The following CNN3 variants were observed in gnomAD, a reference collection of about 807,000 sequenced individuals.
CNN3 encodes the protein calponin 3.
CNN3 carries 11 observed loss-of-function variants against 39.0 expected under a neutral mutation model. The ratio of observed to expected loss-of-function variants is 0.28; its 90% CI spans 0.18 to 0.47. CNN3 has a LOEUF of 0.47. CNN3 is among the 20% of genes least tolerant of loss of function. CNN3 has a pLI of 0.99. For synonymous variants in CNN3, 101 were observed against 138.3 expected (o/e 0.73, Z 1.89); for missense variants, 266 against 403.4 (o/e 0.66, Z 2.92).
rs144969776 is a variant in CNN3, at chr1:94,926,895, G to C, written c.-1C>G. On this transcript the variant is annotated 5_prime_UTR_variant, in exon 1 of 7. Coordinates refer to ENST00000370206, the MANE Select transcript of CNN3 (RefSeq NM_001839.5). This position sits in a 1 kb window ranked among gnomAD's most constrained non-coding sequence, Gnocchi z 4.2. ...AAGGGCCCTTGTTGAAGTGGGTCAT[G>C]GTGGTTCGGGCGGCGGGAAGAGACA... 103 of 1,608,506 alleles carry C rather than the reference G, an allele frequency of 6.4e-5. 7 individuals carry two copies. Among genetic ancestry groups the C allele is most frequent in the Admixed American group, 3.7e-4 (22 of 59,788 alleles).
At chr1:94,924,745 C>G (rs530300541) in intron 1 of CNN3, among the ~76,000 whole-genome samples, 4 of 152,354 alleles carry the variant, frequency 2.6e-5, no homozygotes, top group Admixed American at 1.3e-4. Context: ...AATAGTCCAA[C>G]TTCTGTGACC....
At chr1:94,910,204 G>A (rs965840627) in intron 1 of CNN3, among the ~76,000 whole-genome samples, 13 of 152,216 alleles carry the variant, frequency 8.5e-5, no homozygotes, top group African/African-American at 1.9e-4. Context: ...CAAGTGTTCC[G>A]TGTGTTCCTT....
At chr1:94,922,738 CG>C (rs1270868604) in intron 1 of CNN3, among the ~76,000 whole-genome samples, 1 of 152,068 alleles carries the variant, frequency 6.6e-6, no homozygotes, top group African/African-American at 2.4e-5. Flanking sequence ...AAAGCGCACC[CG>C]GCAAACAAGC....
intron 3 of CNN3, 87 bp downstream of exon 3, chr1:94,903,028 AAAAACAC>A: frequency 4.2e-6 from 4 of 947,818 alleles, no homozygotes; most frequent in Non-Finnish European, 6.0e-6. Flanking sequence ...TAAAAAAAAA[AAAAACAC>A]AAAACCAAAA....
At chr1:94,903,074 C>T (rs1288243427) in intron 3 of CNN3, 48 bp downstream of exon 3, 1 of 1,374,776 alleles carries the variant, frequency 7.3e-7, no homozygotes, top group South Asian at 1.7e-5. Flanking sequence ...GTTTTCACTA[C>T]ATAAAATGCA....
At chr1:94,917,415 C>A (rs1186239123) in intron 1 of CNN3, among the ~76,000 whole-genome samples, 1 of 152,170 alleles carries the variant, frequency 6.6e-6, no homozygotes, top group African/African-American at 2.4e-5. Context: ...TCAATTCCCA[C>A]CTGAGTCTGC....
chr1:94,926,850 T>C lies in CNN3; in HGVS notation c.45A>G (p.Glu15=). Residue 15 remains glutamate (E), a synonymous_variant, in exon 1 of 7, where the codon GAA becomes GAG. Transcript: ENST00000370206. This position sits in a 1 kb window ranked among gnomAD's most constrained non-coding sequence, Gnocchi z 4.2. ...GAGCCAGGCGTACCTTGTTCTTGAC[T>C]TCGGCCGAGAGCCCATAGGAAGGGC... The part of the protein sequence containing the change: ...NKGPSYGLSA[E]VKNKIASKYD... 1 of 1,610,768 alleles carries C rather than the reference T, an allele frequency of 6.2e-7. No homozygotes were observed. Among genetic ancestry groups the C allele is most frequent in the Non-Finnish European group, 8.5e-7 (1 of 1,178,402 alleles).
chr1:94,903,421 T>C lies in CNN3; in HGVS notation c.161A>G (p.Asp54Gly), dbSNP rs1322774131. The C allele has an allele frequency of 6.2e-7, 1 of 1,603,216 alleles. No homozygotes were observed. The highest frequency in any genetic ancestry group is 1.3e-5 in the African/African-American group (1 of 74,504). ...AACTCACTCGCAGAGGATGATGCCA[T>C]CCTTTAAGCCCAGCTGGAAGTTGGG... ...IGPNFQLGLK[D>G]GIILCELINK... Residue 54 changes from aspartate to glycine, a missense_variant, in exon 2 of 7, where the codon GAT becomes GGT. Transcript: ENST00000370206.
intron 1 of CNN3, among the ~76,000 whole-genome samples, chr1:94,911,605 C>G (rs545168594): frequency 6.6e-6 from 1 of 152,042 alleles, no homozygotes; most frequent in African/African-American, 2.4e-5. Flanking sequence ...CCTGTCTCTA[C>G]AAAACCCACA....
rs913870935 is a variant in CNN3, at chr1:94,902,042, C to G, written c.384+79G>C. 1.7e-5 allele frequency: 22 copies of G among 1,275,680 alleles called. No homozygotes were observed. The African/African-American group carries it at 2.6e-4, about 15-fold the overall frequency. The allele number at this position is 1,275,680 out of a possible 1,614,324, so 79.0% of individuals were successfully genotyped here. A position where few individuals can be genotyped will look rare whatever the true frequency, so the allele number is the denominator to read the frequency against. Reference sequence around the variant, plus strand: ...AGGCCCCGCCCCACCTGGTCTGAACCCCCATGAAAAAGCAATGATGCAATT... The same window carrying G: ...AGGCCCCGCCCCACCTGGTCTGAACGCCCATGAAAAAGCAATGATGCAATT... On this transcript the variant is annotated intron_variant, in intron 4 of 6. Coordinates refer to ENST00000370206, the MANE Select transcript of CNN3 (RefSeq NM_001839.5).
chr1:94,905,113 C>T (rs1445898182), intron 1 of CNN3, among the ~76,000 whole-genome samples: 3 of 152,174 alleles, frequency 2.0e-5, no homozygotes, highest in Admixed American at 1.3e-4. Flanking sequence ...CATTCAGGTC[C>T]TTTCCAAGGG....
intron 5 of CNN3, 22 bp downstream of exon 5, chr1:94,901,647 T>G (rs1441300158): frequency 6.7e-7 from 1 of 1,502,014 alleles, no homozygotes; most frequent in Non-Finnish European, 9.3e-7. Flanking sequence ...AGTAATTGAA[T>G]AAGCAACACC....
In CNN3 at chr1:94,897,793, C is replaced by G; in HGVS notation, c.939G>C (p.Gln313His). The change falls in exon 7 of 7, where the codon CAG becomes CAC. Residue 313 changes from glutamine to histidine, a missense_variant. By Grantham distance (24) the Gln-to-His change is conservative. Transcript: ENST00000370206. ...EYPDEYHGEY[Q>H]DDYPRDYQYS... ...ATTGGTAATCTCTGGGGTAGTCATC[C>G]TGGTACTCGCCATGATACTCATCAG... 1 of 1,614,122 alleles carries G rather than the reference C, an allele frequency of 6.2e-7. No individual in the cohort carries two copies. The highest frequency in any genetic ancestry group is 2.2e-5 in the East Asian group (1 of 44,884).
chr1:94,927,029 C>G lies in CNN3; in HGVS notation c.-135G>C, dbSNP rs1392317977. 1.0e-6 allele frequency: 1 copy of G among 962,638 alleles called. No homozygotes were observed. Among genetic ancestry groups the G allele is most frequent in the Admixed American group, 2.7e-5 (1 of 37,028 alleles). The allele number at this position is 962,638 out of a possible 1,614,324, so 59.6% of individuals were successfully genotyped here. Reference sequence around the variant, plus strand: ...CTCCTCTGGGAGGCGCAGGAGACGGCCGCGGGGCGCGGGCGGTGCCTGGGC... The same window carrying G: ...CTCCTCTGGGAGGCGCAGGAGACGGGCGCGGGGCGCGGGCGGTGCCTGGGC... On this transcript the variant is annotated 5_prime_UTR_variant, in exon 1 of 7. Coordinates refer to ENST00000370206, the MANE Select transcript of CNN3 (RefSeq NM_001839.5).
intron 1 of CNN3, among the ~76,000 whole-genome samples, chr1:94,917,526 A>C (rs12749971): frequency 2.0e-5 from 3 of 152,202 alleles, no homozygotes; most frequent in African/African-American, 7.2e-5. Flanking sequence ...TAACATCAAA[A>C]GATCCTCCTC....
At position 94,903,286 on chromosome 1, in the gene CNN3, T is replaced by C. The variant is rs542786680; in HGVS notation, c.180-98A>G. 179 of 1,556,568 alleles carry C rather than the reference T, an allele frequency of 1.1e-4. 1 individual carries two copies. In the East Asian group the frequency reaches 4.0e-3, roughly 35 times the overall value. On this transcript the variant is annotated intron_variant, in intron 2 of 6. Coordinates refer to ENST00000370206, the MANE Select transcript of CNN3 (RefSeq NM_001839.5). Reference sequence around the variant, plus strand: ...CCTTTAGCATCAGTAAGGGAAAGCATTAAAGATATCTGTAGAATATCAAGG... The same window carrying C: ...CCTTTAGCATCAGTAAGGGAAAGCACTAAAGATATCTGTAGAATATCAAGG...
At chr1:94,903,025 A>G in intron 3 of CNN3, 97 bp downstream of exon 3, 1 of 920,078 alleles carries the variant, frequency 1.1e-6, no homozygotes, top group Admixed American at 2.9e-5. Flanking sequence ...AGTTAAAAAA[A>G]AAAAAAACAC....
At chr1:94,925,261 GCACAA>G (rs944698284) in intron 1 of CNN3, among the ~76,000 whole-genome samples, 4 of 152,194 alleles carry the variant, frequency 2.6e-5, no homozygotes, top group African/African-American at 9.7e-5. Flanking sequence ...CAATGAATGT[GCACAA>G]CCAGGCCAAA....
Position 94,926,781 on chromosome 1 carries a change from G to A in CNN3, c.57+57C>T. ...AAGAGCAAACGAAGCACGGCCCAGCGCCAGGCCAGCCCAAGGGTGCCCCGG... is the reference window on the plus strand; with the variant it reads ...AAGAGCAAACGAAGCACGGCCCAGCACCAGGCCAGCCCAAGGGTGCCCCGG... On this transcript the variant is annotated intron_variant, in intron 1 of 6. Coordinates refer to ENST00000370206, the MANE Select transcript of CNN3 (RefSeq NM_001839.5). This position sits in a 1 kb window ranked among gnomAD's most constrained non-coding sequence, Gnocchi z 4.2. The A allele has an allele frequency of 1.3e-5, 20 of 1,556,744 alleles. No homozygotes were observed. Among genetic ancestry groups the A allele is most frequent in the Non-Finnish European group, 1.8e-5 (20 of 1,139,270 alleles).
Sources: allele counts gnomAD v4.1 joint callset (sites outside exome capture counted in the v4.1 genomes callset), GRCh38; gene constraint gnomAD v4.1.1; non-coding constraint Gnocchi (gnomAD v3.1); transcripts MANE v1.5; gene names NCBI Gene and HGNC (gene_info 2026-07-23, HGNC 2026-07-21).